Variants in PLCB1 observed in about 807,000 individuals in gnomAD.
PLCB1 encodes the protein phospholipase C beta 1, also known as 1-phosphatidylinositol 4,5-bisphosphate phosphodiesterase beta-1.
A neutral mutation model predicts 161.8 loss-of-function variants in PLCB1; 46 were observed. The observed-to-expected ratio is 0.28, with a 90% confidence interval of 0.22 to 0.36. The LOEUF is 0.36. Ranked by LOEUF, PLCB1 falls within the 10% of genes least tolerant of loss-of-function variation. The pLI, the probability that PLCB1 is intolerant of heterozygous loss-of-function variation, is 1.00. For synonymous variants in PLCB1, 517 were observed against 503.7 expected (o/e 1.03, Z -0.35); for missense variants, 1,016 against 1,472.5 (o/e 0.69, Z 5.07).
At chr20:8,548,212 T>C (rs533445647) in intron 3 of PLCB1, among the ~76,000 whole-genome samples, 1 of 144,870 alleles carries the variant, frequency 6.9e-6, no homozygotes, top group East Asian at 2.0e-4. Context: ...TTTCTTTCCT[T>C]CCTTCCTTCC....
chr20:8,557,932 T>C (rs1222284678), intron 3 of PLCB1, among the ~76,000 whole-genome samples: 1 of 151,834 alleles, frequency 6.6e-6, no homozygotes, highest in Non-Finnish European at 1.5e-5. Context: ...TGAACAACTC[T>C]CCTTGAAAAA....
At chr20:8,555,594 T>G (rs974119661) in intron 3 of PLCB1, among the ~76,000 whole-genome samples, 3 of 152,154 alleles carry the variant, frequency 2.0e-5, no homozygotes, top group Non-Finnish European at 4.4e-5. Context: ...GTATTTCCTA[T>G]AAATATCTAC....
intron 9 of PLCB1, among the ~76,000 whole-genome samples, chr20:8,662,218 T>TATTTATTATATAATTCTATATTATATATA (rs1271069763): frequency 6.3e-5 from 5 of 79,368 alleles, no homozygotes; most frequent in South Asian, 3.9e-4. Context: ...TATATATAAT[T>TATTTATTATATAATTCTATATTATATATA]ATTATATAAT....
chr20:8,478,797 A>C lies in PLCB1; in HGVS notation c.246+107347A>C, dbSNP rs544597792. On this transcript the variant is annotated intron_variant, in intron 3 of 31. Transcript: ENST00000338037. The stretch of plus-strand genomic sequence containing the variant: ...AAAGTTAAAGGTTTTATGAAATATC[A>C]ATTCTGAAAAAAATTTTCTGCTACT... Among the ~76,000 whole-genome samples the C allele has an allele frequency of 5.9e-5, 9 of 152,252 alleles. 1 individual carries two copies. The South Asian group carries it at 1.7e-3, about 28-fold the overall frequency.
At chr20:8,822,437 A>T (rs1985478448) in intron 31 of PLCB1, among the ~76,000 whole-genome samples, 1 of 152,206 alleles carries the variant, frequency 6.6e-6, no homozygotes. Flanking sequence ...AGAAGATCAG[A>T]GTAAAATCAG....
At chr20:8,607,248 C>T (rs891302505) in intron 3 of PLCB1, among the ~76,000 whole-genome samples, 1 of 152,182 alleles carries the variant, frequency 6.6e-6, no homozygotes, top group Non-Finnish European at 1.5e-5. Context: ...GAAATAGACT[C>T]AGTTGAAATA....
At chr20:8,544,294 A>G (rs1007616285) in intron 3 of PLCB1, among the ~76,000 whole-genome samples, 1 of 152,218 alleles carries the variant, frequency 6.6e-6, no homozygotes, top group Non-Finnish European at 1.5e-5. Context: ...AAGATTTTGC[A>G]CTGCAAAAGA....
chr20:8,466,175 G>A (rs183218441), intron 3 of PLCB1, among the ~76,000 whole-genome samples: 281 of 151,920 alleles, frequency 1.8e-3, no homozygotes, highest in Non-Finnish European at 3.2e-3. Context: ...TCCTTTGTGG[G>A]GACATGGATG....
At position 8,815,320 on chromosome 20, in the gene PLCB1, G is replaced by A. The variant is rs867427811; in HGVS notation, c.3423+25059G>A. 3.5e-4 allele frequency among the ~76,000 whole-genome samples: 54 copies of A among 152,298 alleles called. 1 individual carries two copies. Among genetic ancestry groups the A allele is most frequent in the African/African-American group, 1.2e-3 (51 of 41,566 alleles). ...GATTTATCTTCTCTTCCTTAATAGA[G>A]GATTTTCCCACTGGACAGACTTCTG... On this transcript the variant is annotated intron_variant, in intron 31 of 31. Transcript: ENST00000338037.
chr20:8,562,111 C>T (rs76427041), intron 3 of PLCB1, among the ~76,000 whole-genome samples: 13,621 of 152,006 alleles, frequency 0.09, 884 homozygotes, highest in South Asian at 0.16. Flanking sequence ...GAGCTGAGTA[C>T]GGAGGGGCTG....
intron 3 of PLCB1, among the ~76,000 whole-genome samples, chr20:8,621,161 C>T (rs1246911038): frequency 1.3e-5 from 2 of 152,138 alleles, no homozygotes; most frequent in South Asian, 2.1e-4. Context: ...GAATATAATG[C>T]TTTTCATGCT....
At chr20:8,546,005 G>T (rs927079634) in intron 3 of PLCB1, among the ~76,000 whole-genome samples, 1 of 152,106 alleles carries the variant, frequency 6.6e-6, no homozygotes, top group Non-Finnish European at 1.5e-5. Context: ...AAATCTAGCA[G>T]ATTGTTGAAC....
At chr20:8,352,070 C>G (rs1986198072) in intron 2 of PLCB1, among the ~76,000 whole-genome samples, 1 of 151,926 alleles carries the variant, frequency 6.6e-6, no homozygotes, top group Non-Finnish European at 1.5e-5. Context: ...TCTTAATAAC[C>G]CAAAACTGGA....
intron 3 of PLCB1, among the ~76,000 whole-genome samples, chr20:8,407,340 C>T (rs1047645767): frequency 2.6e-5 from 4 of 152,136 alleles, no homozygotes; most frequent in African/African-American, 9.7e-5. Context: ...GTAACTTTCT[C>T]AGTGGAGAAA....
intron 2 of PLCB1, among the ~76,000 whole-genome samples, chr20:8,202,581 A>G (rs545973742): frequency 6.6e-6 from 1 of 152,324 alleles, no homozygotes; most frequent in African/African-American, 2.4e-5. Flanking sequence ...ACATCAAGGT[A>G]TTTGTTGGAC....
chr20:8,572,853 A>G (rs1299674761), intron 3 of PLCB1, among the ~76,000 whole-genome samples: 1 of 152,174 alleles, frequency 6.6e-6, no homozygotes, highest in Non-Finnish European at 1.5e-5. Flanking sequence ...TTCATGTGGA[A>G]ATGTGTAAAA....
chr20:8,804,065 T>C (rs749030616), intron 31 of PLCB1, among the ~76,000 whole-genome samples: 7 of 152,072 alleles, frequency 4.6e-5, no homozygotes, highest in Non-Finnish European at 1.0e-4. Context: ...AGTGCTGGGA[T>C]TACACGTGTG....
chr20:8,621,657 G>A (rs1053533715), intron 3 of PLCB1, among the ~76,000 whole-genome samples: 4 of 152,108 alleles, frequency 2.6e-5, no homozygotes, highest in African/African-American at 2.4e-5. Context: ...ACTTGAATGA[G>A]TGCTATTTAA....
intron 9 of PLCB1, among the ~76,000 whole-genome samples, chr20:8,674,454 CA>C: frequency 6.6e-6 from 1 of 152,188 alleles, no homozygotes; most frequent in Non-Finnish European, 1.5e-5. Context: ...GAATCTGGTC[CA>C]AGCTGGTAGC....
Sources: gnomAD v4.1 joint callset for allele counts (sites outside exome capture counted in the v4.1 genomes callset) on GRCh38, gnomAD v4.1.1 for gene constraint, MANE v1.5 for transcripts, NCBI Gene and HGNC (gene_info 2026-07-23, HGNC 2026-07-21) for gene names.